The following GPC6 variants were observed in gnomAD, a reference collection of about 807,000 sequenced individuals.
GPC6 encodes the protein glypican-6.
GPC6 carries 14 observed loss-of-function variants against 55.2 expected under a neutral mutation model. That is an observed-to-expected ratio of 0.25 (90% CI 0.17 to 0.40). The LOEUF (loss-of-function observed/expected upper bound fraction) is 0.40, where lower values mean the gene tolerates loss of function less well. Among genes scored for constraint, GPC6 ranks in the 10% least tolerant of loss-of-function variants. GPC6 has a pLI of 1.00. For synonymous variants in GPC6, 278 were observed against 259.6 expected, an observed-to-expected ratio of 1.07 and a Z score of -0.68; for missense variants, 641 against 708.5, an observed-to-expected ratio of 0.90 and a Z score of 1.08.
At chr13:94,102,281 T>C (rs1483296239) in intron 4 of GPC6, among the ~76,000 whole-genome samples, 1 of 152,146 alleles carries the variant, frequency 6.6e-6, no homozygotes, top group Non-Finnish European at 1.5e-5. Flanking sequence ...GTAGGAAGAA[T>C]ACATGTTACT....
chr13:94,228,882 C>T (rs1358267802), intron 4 of GPC6, among the ~76,000 whole-genome samples: 8 of 151,636 alleles, frequency 5.3e-5, no homozygotes, highest in Non-Finnish European at 1.2e-4. Context: ...AGTAACCAGG[C>T]AGATATAAAT....
intron 1 of GPC6, among the ~76,000 whole-genome samples, chr13:93,500,037 A>G (rs762595329): frequency 6.6e-6 from 1 of 152,222 alleles, no homozygotes; most frequent in Non-Finnish European, 1.5e-5. Flanking sequence ...ATCACTCTTC[A>G]GTGCTTACAG....
chr13:94,122,647 A>G (rs554290114), intron 4 of GPC6, among the ~76,000 whole-genome samples: 1 of 152,272 alleles, frequency 6.6e-6, no homozygotes, highest in Non-Finnish European at 1.5e-5. Flanking sequence ...TGGAAAAAGT[A>G]TTCCCAGGCT....
At chr13:93,773,479 G>C (rs538961839) in intron 2 of GPC6, among the ~76,000 whole-genome samples, 4 of 151,746 alleles carry the variant, frequency 2.6e-5, no homozygotes, top group Admixed American at 6.6e-5. Flanking sequence ...TGTAGCTTAC[G>C]TACCCCAAAA....
intron 4 of GPC6, among the ~76,000 whole-genome samples, chr13:94,218,911 G>A (rs149016242): frequency 3.7e-4 from 56 of 152,154 alleles, no homozygotes; most frequent in African/African-American, 1.3e-3. Flanking sequence ...TTCTGATGAA[G>A]GTGGTTACTC....
At chr13:93,804,366 A>C (rs1886474530) in intron 2 of GPC6, among the ~76,000 whole-genome samples, 1 of 152,164 alleles carries the variant, frequency 6.6e-6, no homozygotes, top group South Asian at 2.1e-4. Context: ...AGGGTCCACC[A>C]TTACATATGT....
chr13:93,384,580 C>T (rs1186679548), intron 1 of GPC6, among the ~76,000 whole-genome samples: 1 of 151,968 alleles, frequency 6.6e-6, no homozygotes, highest in African/African-American at 2.4e-5. Flanking sequence ...AAGTAATGCA[C>T]TAGAAGAAAG....
intron 4 of GPC6, among the ~76,000 whole-genome samples, chr13:94,109,770 A>G (rs978140020): frequency 1.3e-5 from 2 of 152,124 alleles, no homozygotes; most frequent in African/African-American, 4.8e-5. Flanking sequence ...TACAGCTTGT[A>G]TTTACTTTTG....
At chr13:93,754,900 G>A (rs1325932968) in intron 2 of GPC6, among the ~76,000 whole-genome samples, 1 of 152,020 alleles carries the variant, frequency 6.6e-6, no homozygotes, top group Non-Finnish European at 1.5e-5. Context: ...ACAGATCTTC[G>A]GGAACTCCTG....
chr13:93,908,076 TA>T (rs1188899615), intron 3 of GPC6, among the ~76,000 whole-genome samples: 1 of 152,016 alleles, frequency 6.6e-6, no homozygotes, highest in African/African-American at 2.4e-5. Flanking sequence ...AAATATAAAT[TA>T]AAAAAGGAGA....
intron 6 of GPC6, among the ~76,000 whole-genome samples, chr13:94,314,751 G>GAGAT (rs1876432774): frequency 1.3e-5 from 2 of 152,334 alleles, no homozygotes; most frequent in Middle Eastern, 3.4e-3. Flanking sequence ...ATGCTTATGA[G>GAGAT]AGATAGAGCT....
intron 4 of GPC6, among the ~76,000 whole-genome samples, chr13:94,198,825 T>C (rs1318539972): frequency 6.6e-6 from 1 of 152,218 alleles, no homozygotes; most frequent in Non-Finnish European, 1.5e-5. Context: ...TGCTGTTTGC[T>C]CAACCCCCTG....
chr13:94,092,538 G>C, intron 4 of GPC6, among the ~76,000 whole-genome samples: 1 of 152,066 alleles, frequency 6.6e-6, no homozygotes, highest in Admixed American at 6.6e-5. Flanking sequence ...ATCTGTTGAT[G>C]GATACTTAGA....
At chr13:93,568,851 T>G (rs1336957375) in intron 2 of GPC6, among the ~76,000 whole-genome samples, 3 of 152,190 alleles carry the variant, frequency 2.0e-5, no homozygotes, top group Non-Finnish European at 4.4e-5. Context: ...ATTACCACCT[T>G]TAGACTAGAA....
At chr13:94,388,328 A>T (rs1320894947) in intron 7 of GPC6, among the ~76,000 whole-genome samples, 1 of 152,216 alleles carries the variant, frequency 6.6e-6, no homozygotes, top group Non-Finnish European at 1.5e-5. Context: ...AACAACAGCA[A>T]TATGAGCTAG....
At chr13:94,364,353 A>C (rs567432339) in intron 6 of GPC6, among the ~76,000 whole-genome samples, 5 of 152,192 alleles carry the variant, frequency 3.3e-5, no homozygotes, top group African/African-American at 1.2e-4. Context: ...TTGGTGCCCC[A>C]TGGGGTAAAT....
intron 4 of GPC6, among the ~76,000 whole-genome samples, chr13:94,165,275 C>CATATAT (rs144165319): frequency 4.9e-5 from 7 of 143,242 alleles, no homozygotes; most frequent in African/African-American, 1.8e-4. Flanking sequence ...TATATATACA[C>CATATAT]ATATATATAT....
At chr13:93,594,607 C>G (rs959251574) in intron 2 of GPC6, among the ~76,000 whole-genome samples, 1 of 151,888 alleles carries the variant, frequency 6.6e-6, no homozygotes, top group African/African-American at 2.4e-5. Context: ...GTTATGCTCT[C>G]CTGCTAAAAG....
At chr13:94,292,703 T>G (rs1875055897) in intron 5 of GPC6, among the ~76,000 whole-genome samples, 1 of 152,162 alleles carries the variant, frequency 6.6e-6, no homozygotes, top group Non-Finnish European at 1.5e-5. Context: ...TTCCCCAAAC[T>G]CTCACATCAT....
Sources: allele counts gnomAD v4.1 joint callset (sites outside exome capture counted in the v4.1 genomes callset), GRCh38; gene constraint gnomAD v4.1.1; transcripts MANE v1.5; gene names NCBI Gene and HGNC (gene_info 2026-07-23, HGNC 2026-07-21).